The following WDR7 variants were observed in gnomAD, a reference collection of about 807,000 sequenced individuals.
WDR7 encodes WD repeat-containing protein 7.
WDR7 carries 46 observed loss-of-function variants against 169.4 expected under a neutral mutation model. The ratio of observed to expected loss-of-function variants is 0.27; its 90% CI spans 0.21 to 0.35. WDR7 has a LOEUF of 0.35. Ranked by LOEUF, WDR7 falls within the 10% of genes least tolerant of loss-of-function variation. The pLI is 1.00. For missense variants in WDR7, 1,534 were observed against 1,859.3 expected, an observed-to-expected ratio of 0.83 and a Z score of 3.22; for synonymous variants, 612 against 666.8, an observed-to-expected ratio of 0.92 and a Z score of 1.27.
intron 12 of WDR7, among the ~76,000 whole-genome samples, chr18:56,706,021 A>C (rs1194583759): frequency 6.6e-6 from 1 of 152,164 alleles, no homozygotes; most frequent in Non-Finnish European, 1.5e-5. Flanking sequence ...AAAAGAAAAT[A>C]ATGACCAACA....
rs111267990 is a variant in WDR7 at position 56,884,137 on chromosome 18, A to T, written c.3526+3972A>T. ...TAGTTTACATTCCCAACAATGGTGT[A>T]AAAGCGTTCCCTTTTCATAACATCC... On this transcript the variant is annotated intron_variant, in intron 21 of 27. Coordinates refer to ENST00000254442, the MANE Select transcript of WDR7 (RefSeq NM_015285.3). Among the ~76,000 whole-genome samples, 331 of 152,334 alleles carry T rather than the reference A, an allele frequency of 2.2e-3. 3 individuals carry two copies. The highest frequency in any genetic ancestry group is 7.7e-3 in the African/African-American group (320 of 41,566).
chr18:56,729,393 C>T (rs1181122852), intron 13 of WDR7, among the ~76,000 whole-genome samples: 1 of 151,942 alleles, frequency 6.6e-6, no homozygotes, highest in Admixed American at 6.6e-5. Context: ...CTAATTCAAC[C>T]ATGTAAATAT....
At chr18:56,986,691 T>C (rs939537071) in intron 26 of WDR7, among the ~76,000 whole-genome samples, 2 of 151,952 alleles carry the variant, frequency 1.3e-5, no homozygotes, top group African/African-American at 4.8e-5. Context: ...TTTCAGTTTA[T>C]GTCCACTTGA....
chr18:56,754,327 A>G (rs1034632984), intron 14 of WDR7, among the ~76,000 whole-genome samples: 7 of 147,828 alleles, frequency 4.7e-5, no homozygotes, highest in Admixed American at 6.7e-5. Context: ...ATATGTGTGT[A>G]TATATACGTA....
At chr18:56,735,981 T>G (rs763998861) in intron 14 of WDR7, among the ~76,000 whole-genome samples, 1 of 152,142 alleles carries the variant, frequency 6.6e-6, no homozygotes, top group Non-Finnish European at 1.5e-5. Flanking sequence ...TGGAATGGCT[T>G]TTGCTTTATT....
intron 20 of WDR7, among the ~76,000 whole-genome samples, chr18:56,876,311 TAGAA>T (rs1028679472): frequency 6.6e-6 from 1 of 152,118 alleles, no homozygotes; most frequent in Non-Finnish European, 1.5e-5. Flanking sequence ...GGATTAGTAT[TAGAA>T]AGAGCAGAAA....
intron 20 of WDR7, among the ~76,000 whole-genome samples, chr18:56,845,208 C>T (rs1416953759): frequency 6.6e-6 from 1 of 152,006 alleles, no homozygotes; most frequent in Non-Finnish European, 1.5e-5. Context: ...AAAAAGGGAT[C>T]TTTACTAACC....
intron 19 of WDR7, among the ~76,000 whole-genome samples, chr18:56,814,736 C>T (rs192210836): frequency 3.5e-4 from 53 of 152,006 alleles, no homozygotes; most frequent in Non-Finnish European, 5.6e-4. Flanking sequence ...TAAACCCCCA[C>T]GACGTGCAAT....
chr18:56,938,805 A>ATGAG, intron 24 of WDR7, 123 bp downstream of exon 24: 2 of 594,780 alleles, frequency 3.4e-6, no homozygotes, highest in Non-Finnish European at 5.3e-6. Flanking sequence ...GAGAGAAAGA[A>ATGAG]TGAGTGTGTG....
chr18:56,759,030 C>A, intron 16 of WDR7, 77 bp downstream of exon 16: 2 of 1,192,922 alleles, frequency 1.7e-6, no homozygotes, highest in Non-Finnish European at 1.2e-6. Context: ...AATGTATAAT[C>A]ATAATATTTG....
intron 15 of WDR7, 48 bp downstream of exon 15, chr18:56,757,400 A>G: frequency 6.8e-7 from 1 of 1,475,142 alleles, no homozygotes. Flanking sequence ...AAAAAAAGAA[A>G]CCTGTTTTAT....
intron 14 of WDR7, among the ~76,000 whole-genome samples, chr18:56,745,237 G>A (rs1599010338): frequency 6.6e-6 from 1 of 152,154 alleles, no homozygotes; most frequent in African/African-American, 2.4e-5. Context: ...CAAGATAACA[G>A]CATTTGAAAG....
chr18:56,763,733 G>T (rs528134999), intron 16 of WDR7, among the ~76,000 whole-genome samples: 1 of 152,074 alleles, frequency 6.6e-6, no homozygotes, highest in Non-Finnish European at 1.5e-5. Context: ...TTATGGGAAG[G>T]TTTTTAACTA....
At chr18:56,684,432 G>T (rs150935542) in intron 5 of WDR7, among the ~76,000 whole-genome samples, 1 of 152,108 alleles carries the variant, frequency 6.6e-6, no homozygotes, top group African/African-American at 2.4e-5. Context: ...AAAAACAGCC[G>T]CAGACAATAC....
intron 14 of WDR7, 33 bp from the exon 15 acceptor site, chr18:56,756,545 TTTTAA>T: frequency 1.4e-6 from 2 of 1,468,488 alleles, no homozygotes; most frequent in Admixed American, 2.2e-5. Context: ...AATTAAGCAC[TTTTAA>T]TTATAACTAT....
chr18:56,659,142 T>C (rs887056332), intron 1 of WDR7, among the ~76,000 whole-genome samples: 2 of 152,190 alleles, frequency 1.3e-5, no homozygotes, highest in Admixed American at 6.5e-5. Flanking sequence ...TATGTCACGA[T>C]AGACTAAAAG....
rs572549972 is a variant in WDR7, at chr18:56,778,163, A to C, written c.2948-1268A>C. On this transcript the variant is annotated intron_variant, in intron 17 of 27. Transcript: ENST00000254442. ...TTAATGTAATTACATGTTTATTATC[A>C]GTTGATGAGAATTTCCTCACTGAAA... 3.3e-5 allele frequency among the ~76,000 whole-genome samples: 5 copies of C among 152,292 alleles called. No homozygotes were observed. The South Asian group carries it at 8.3e-4, about 25-fold the overall frequency.
Position 56,757,108 on chromosome 18 carries a change from T to A in WDR7, c.2515T>A (p.Ser839Thr). 1 of 1,614,102 alleles carries A rather than the reference T, an allele frequency of 6.2e-7. No homozygotes were observed. The highest frequency in any genetic ancestry group is 1.1e-5 in the South Asian group (1 of 91,078). The stretch of plus-strand genomic sequence containing the variant: ...CTGCACCGTATCGTTTGGCCTCTTG[T>A]CAAGAGGAGGCCATATGTCACTGAT... ...PHCTVSFGLL[S>T]RGGHMSLMLP... The change falls in exon 15 of 28, where the codon TCA (serine) becomes ACA (threonine). Residue 839 changes from serine to threonine, a missense_variant. Ser to Thr is a moderately conservative substitution (Grantham distance 58, BLOSUM62 1). Coordinates refer to ENST00000254442, the MANE Select transcript of WDR7 (RefSeq NM_015285.3).
intron 24 of WDR7, 127 bp downstream of exon 24, chr18:56,938,809 G>A: frequency 2.0e-6 from 1 of 487,972 alleles, no homozygotes; most frequent in Non-Finnish European, 2.9e-6. Context: ...GAAAGAATGA[G>A]TGTGTGTGTG....
Sources: allele counts gnomAD v4.1 joint callset (sites outside exome capture counted in the v4.1 genomes callset), GRCh38; gene constraint gnomAD v4.1.1; transcripts MANE v1.5; gene names NCBI Gene and HGNC (gene_info 2026-07-23, HGNC 2026-07-21).